DNAH11: variants seen among roughly 807,000 people sequenced by gnomAD.
The protein encoded by DNAH11 is dynein axonemal heavy chain 11, also known as axonemal beta dynein heavy chain 11.
A neutral mutation model predicts 526.0 loss-of-function variants in DNAH11; 442 were observed. The observed-to-expected ratio is 0.84, with a 90% CI of 0.78 to 0.91. The LOEUF (loss-of-function observed/expected upper bound fraction) is 0.91. Ranked by LOEUF, DNAH11 falls within the 40% of genes least tolerant of loss-of-function variation. The probability of loss-of-function intolerance (pLI) is 0.00; values close to 1 mark genes in which losing one functional copy is unlikely to be tolerated. For missense variants in DNAH11, 6,989 were observed against 5,448.7 expected (o/e 1.28, Z -8.90); for synonymous variants, 2,461 against 1,935.9 (o/e 1.27, Z -7.12).
intron 1 of DNAH11, among the ~76,000 whole-genome samples, chr7:21,544,447 AT>A (rs767159309): frequency 4.3e-4 from 65 of 152,342 alleles, no homozygotes; most frequent in African/African-American, 1.5e-3. Context: ...TTTAAAAAAA[AT>A]AAGTTTGTCA....
At chr7:21,856,562 A>G (rs995316268) in intron 68 of DNAH11, among the ~76,000 whole-genome samples, 3 of 152,226 alleles carry the variant, frequency 2.0e-5, no homozygotes, top group Non-Finnish European at 4.4e-5. Context: ...CCCCTTGTAA[A>G]CATTGTTGGT....
intron 40 of DNAH11, among the ~76,000 whole-genome samples, chr7:21,709,164 G>A (rs142308782): frequency 0.027 from 4,097 of 152,230 alleles, 201 homozygotes; most frequent in East Asian, 0.2. Flanking sequence ...TAGCAAAGAC[G>A]TGGAATCAAC....
intron 55 of DNAH11, among the ~76,000 whole-genome samples, chr7:21,773,069 A>C (rs1787509765): frequency 6.6e-6 from 1 of 151,200 alleles, no homozygotes; most frequent in Non-Finnish European, 1.5e-5. Context: ...TACAGAATGC[A>C]ATAAATAATC....
At chr7:21,769,275 G>A (rs1400000302) in intron 55 of DNAH11, among the ~76,000 whole-genome samples, 2 of 152,072 alleles carry the variant, frequency 1.3e-5, no homozygotes, top group African/African-American at 4.8e-5. Flanking sequence ...TCATAAGTAG[G>A]GTCCAGACTT....
chr7:21,558,986 G>A lies in DNAH11; in HGVS notation c.680G>A (p.Cys227Tyr). 1 of 1,578,022 alleles carries A rather than the reference G, an allele frequency of 6.3e-7. No individual in the cohort carries two copies. Among genetic ancestry groups the A allele is most frequent in the Admixed American group, 1.8e-5 (1 of 54,492 alleles). ...GGAAAGATGGATCTGGATCAGAATTGTTCAGAGAACAAGTACGTAACAGTA... is the reference window on the plus strand; with the variant it reads ...GGAAAGATGGATCTGGATCAGAATTATTCAGAGAACAAGTACGTAACAGTA... Reference protein sequence around the residue: ...VAGKMDLDQNCSENKPPSNER... With the variant: ...VAGKMDLDQNYSENKPPSNER... The change falls in exon 3 of 82, where the codon TGT becomes TAT. Residue 227 changes from cysteine to tyrosine, a missense_variant. By Grantham distance (194) the Cys-to-Tyr change is radical (BLOSUM62 -2). Transcript: ENST00000409508.
At chr7:21,571,559 C>T (rs916883443) in intron 7 of DNAH11, among the ~76,000 whole-genome samples, 14 of 152,092 alleles carry the variant, frequency 9.2e-5, no homozygotes, top group African/African-American at 1.9e-4. Context: ...GTATTACAAG[C>T]GTGAGCCCTG....
At chr7:21,849,027 A>G (rs1184575635) in intron 66 of DNAH11, among the ~76,000 whole-genome samples, 1 of 152,158 alleles carries the variant, frequency 6.6e-6, no homozygotes, top group East Asian at 1.9e-4. Flanking sequence ...CTGGGATTAC[A>G]GGCATGTACC....
chr7:21,853,276 CT>C (rs2128024646), intron 67 of DNAH11, among the ~76,000 whole-genome samples: 1 of 152,274 alleles, frequency 6.6e-6, no homozygotes, highest in African/African-American at 2.4e-5. Flanking sequence ...GAATTAGACC[CT>C]TATTTGCTTT....
At chr7:21,875,159 A>C (rs1242336767) in intron 74 of DNAH11, among the ~76,000 whole-genome samples, 1 of 152,210 alleles carries the variant, frequency 6.6e-6, no homozygotes, top group African/African-American at 2.4e-5. Context: ...AATCTTTTTG[A>C]AACTATTAAG....
At chr7:21,812,922 G>T (rs1229558638) in intron 63 of DNAH11, among the ~76,000 whole-genome samples, 1 of 152,114 alleles carries the variant, frequency 6.6e-6, no homozygotes. Context: ...TTACCCTTGG[G>T]GGAGAGCCTG....
chr7:21,717,831 C>A lies in DNAH11; in HGVS notation c.7040C>A (p.Thr2347Asn). 1 of 1,613,888 alleles carries A rather than the reference C, an allele frequency of 6.2e-7. No individual in the cohort carries two copies. Among genetic ancestry groups the A allele is most frequent in the Non-Finnish European group, 8.5e-7 (1 of 1,179,834 alleles). ...CATCAATCAGAAAAGGCCAATTTGA[C>A]TATTCTTTTTGATAAATATGTCCCT... The part of the protein sequence containing the change: ...RRHQSEKANL[T>N]ILFDKYVPAC... Residue 2347 changes from threonine to asparagine, a missense_variant, in exon 43 of 82, where the codon ACT becomes AAT. Thr to Asn is a moderately conservative substitution (Grantham distance 65). Coordinates refer to ENST00000409508, the MANE Select transcript of DNAH11 (RefSeq NM_001277115.2).
intron 46 of DNAH11, among the ~76,000 whole-genome samples, chr7:21,736,414 G>T (rs572014023): frequency 8.7e-4 from 133 of 152,262 alleles, no homozygotes; most frequent in Non-Finnish European, 1.2e-3. Flanking sequence ...CGAAAGAGCT[G>T]ATGTCGGAAG....
At chr7:21,676,936 C>G (rs1442927829) in intron 30 of DNAH11, among the ~76,000 whole-genome samples, 1 of 152,118 alleles carries the variant, frequency 6.6e-6, no homozygotes, top group Non-Finnish European at 1.5e-5. Context: ...TACATTAATT[C>G]ATCTGTTCAG....
chr7:21,796,868 A>G (rs1406931089), intron 61 of DNAH11, among the ~76,000 whole-genome samples: 2 of 152,356 alleles, frequency 1.3e-5, no homozygotes, highest in African/African-American at 2.4e-5. Flanking sequence ...GGTGCTTGCT[A>G]GAGGATCAAT....
chr7:21,818,397 A>T, intron 65 of DNAH11, 58 bp downstream of exon 65: 1 of 1,557,550 alleles, frequency 6.4e-7, no homozygotes, highest in African/African-American at 1.4e-5. Context: ...CAGCAGCAGC[A>T]TCTCTTAGCT....
At chr7:21,831,151 C>T (rs140973428) in intron 65 of DNAH11, among the ~76,000 whole-genome samples, 1 of 152,200 alleles carries the variant, frequency 6.6e-6, no homozygotes, top group Non-Finnish European at 1.5e-5. Context: ...AAAGTAGCCA[C>T]ACTTCCAAAT....
intron 67 of DNAH11, among the ~76,000 whole-genome samples, chr7:21,853,038 G>T (rs982425816): frequency 6.6e-6 from 1 of 152,132 alleles, no homozygotes; most frequent in African/African-American, 2.4e-5. Flanking sequence ...TGAAAGTTTT[G>T]TTTACAGGCC....
At chr7:21,785,025 C>T (rs537248804) in intron 58 of DNAH11, among the ~76,000 whole-genome samples, 1 of 152,288 alleles carries the variant, frequency 6.6e-6, no homozygotes, top group South Asian at 2.1e-4. Flanking sequence ...TGAAACCTCC[C>T]TAAGCGTTCA....
chr7:21,773,901 C>A lies in DNAH11; in HGVS notation c.9238C>A (p.Leu3080Met). 1 of 1,602,824 alleles carries A rather than the reference C, an allele frequency of 6.2e-7. No individual in the cohort carries two copies. Among genetic ancestry groups the A allele is most frequent in the Middle Eastern group, 1.7e-4 (1 of 6,050 alleles). The change falls in exon 56 of 82, where the codon CTG (leucine) becomes ATG (methionine). Residue 3080 changes from leucine (L) to methionine (M), a missense_variant. Physicochemically the swap from Leu to Met is conservative, Grantham distance 15. Coordinates refer to ENST00000409508, the MANE Select transcript of DNAH11 (RefSeq NM_001277115.2). ...AAAGAGTTTTCTAGAACAAATATCA[C>A]TGTTTAAGAACCTGTTGAAGAAGAA... ...TPKSFLEQIS[L>M]FKNLLKKKQN...
Sources: gnomAD v4.1 joint callset for allele counts (sites outside exome capture counted in the v4.1 genomes callset) on GRCh38, gnomAD v4.1.1 for gene constraint, MANE v1.5 for transcripts, NCBI Gene and HGNC (gene_info 2026-07-23, HGNC 2026-07-21) for gene names.